Variants in RALYL observed in about 807,000 individuals in gnomAD.
RALYL encodes the protein RALY RNA binding protein like, also known as RNA-binding Raly-like protein.
In RALYL, 29 loss-of-function variants were observed where a neutral mutation model predicts 35.1. That is an observed-to-expected ratio of 0.83 (90% confidence interval 0.61 to 1.13). RALYL has a LOEUF of 1.13. Among genes scored for constraint, RALYL ranks in the 50% most tolerant of loss-of-function variants. The pLI, the probability that RALYL is intolerant of heterozygous loss-of-function variation, is 0.00. For synonymous variants in RALYL, 120 were observed against 127.6 expected, an observed-to-expected ratio of 0.94 and a Z score of 0.40; for missense variants, 359 against 360.4, an observed-to-expected ratio of 1.00 and a Z score of 0.03.
rs570484832 is a variant in RALYL, at chr8:84,719,094, C to A, written c.257-55485C>A. Among the ~76,000 whole-genome samples, 24 of 152,144 alleles carry A rather than the reference C, an allele frequency of 1.6e-4. No homozygotes were observed. The East Asian group carries it at 4.5e-3, about 28-fold the overall frequency. On this transcript the variant is annotated intron_variant, in intron 2 of 8. Transcript: ENST00000521268. Reference sequence around the variant, plus strand: ...GCTGCTGGTGGCTGGTAGAGTTTATCTTTGTTATGGATTCCTCTGTAACCT... The same window carrying A: ...GCTGCTGGTGGCTGGTAGAGTTTATATTTGTTATGGATTCCTCTGTAACCT...
intron 3 of RALYL, among the ~76,000 whole-genome samples, chr8:84,799,816 C>T (rs544742387): frequency 4.6e-5 from 7 of 152,182 alleles, no homozygotes; most frequent in Middle Eastern, 3.4e-3. Flanking sequence ...ATTAACCAGG[C>T]GTGGTGGCAG....
At chr8:84,302,413 T>G (rs540389223) in intron 1 of RALYL, among the ~76,000 whole-genome samples, 1 of 152,306 alleles carries the variant, frequency 6.6e-6, no homozygotes, top group South Asian at 2.1e-4. Flanking sequence ...CGTCCCTCTT[T>G]TCTCTAAGCT....
At chr8:84,447,528 G>A (rs906206772) in intron 1 of RALYL, among the ~76,000 whole-genome samples, 4 of 152,020 alleles carry the variant, frequency 2.6e-5, no homozygotes, top group Non-Finnish European at 5.9e-5. Flanking sequence ...GTTTGAGAGA[G>A]TAAATCAGTC....
intron 1 of RALYL, among the ~76,000 whole-genome samples, chr8:84,294,736 G>A (rs1839428001): frequency 6.6e-6 from 1 of 151,808 alleles, no homozygotes; most frequent in Non-Finnish European, 1.5e-5. Flanking sequence ...GAGACTCAAA[G>A]GTAGACAGAG....
chr8:84,837,808 A>G (rs1832325969), intron 4 of RALYL, among the ~76,000 whole-genome samples: 1 of 152,220 alleles, frequency 6.6e-6, no homozygotes, highest in South Asian at 2.1e-4. Flanking sequence ...AATAAACAAT[A>G]TGAAATATTT....
chr8:84,627,568 G>A (rs1165058849), intron 2 of RALYL, among the ~76,000 whole-genome samples: 1 of 150,366 alleles, frequency 6.7e-6, no homozygotes, highest in Non-Finnish European at 1.5e-5. Context: ...CTTTCTTCCT[G>A]TGTTCTCCTA....
intron 2 of RALYL, among the ~76,000 whole-genome samples, chr8:84,671,083 G>A (rs1833121963): frequency 6.6e-6 from 1 of 152,128 alleles, no homozygotes; most frequent in Non-Finnish European, 1.5e-5. Context: ...GGAGAAACTG[G>A]CCAAAACGAA....
chr8:84,574,669 C>T (rs1808883181), intron 2 of RALYL, among the ~76,000 whole-genome samples: 3 of 152,158 alleles, frequency 2.0e-5, no homozygotes, highest in Admixed American at 1.3e-4. Flanking sequence ...CAGTCTTGTG[C>T]TGCCTACTTT....
At chr8:84,425,269 C>T (rs1330848839) in intron 1 of RALYL, among the ~76,000 whole-genome samples, 1 of 152,100 alleles carries the variant, frequency 6.6e-6, no homozygotes, top group Non-Finnish European at 1.5e-5. Flanking sequence ...GTTTTTTAAG[C>T]CGGTCTGAAA....
chr8:84,375,370 A>G (rs75815356), intron 1 of RALYL, among the ~76,000 whole-genome samples: 5,326 of 151,808 alleles, frequency 0.035, 133 homozygotes, highest in East Asian at 0.13. Context: ...TATTATTCTG[A>G]GCTTCTTAAA....
chr8:84,430,089 C>T (rs548753848), intron 1 of RALYL, among the ~76,000 whole-genome samples: 5 of 151,820 alleles, frequency 3.3e-5, no homozygotes, highest in African/African-American at 9.7e-5. Flanking sequence ...AAATTTGCCA[C>T]AGAAGATAAA....
chr8:84,558,431 G>C (rs149758762), intron 2 of RALYL, among the ~76,000 whole-genome samples: 1 of 152,218 alleles, frequency 6.6e-6, no homozygotes, highest in East Asian at 1.9e-4. Flanking sequence ...GTTACTGTTT[G>C]TGAATCAGCC....
intron 4 of RALYL, among the ~76,000 whole-genome samples, chr8:84,807,713 A>G (rs1247480886): frequency 1.3e-5 from 2 of 152,168 alleles, no homozygotes; most frequent in Non-Finnish European, 2.9e-5. Flanking sequence ...CCATTTTTGC[A>G]GAAGTAAGCT....
At chr8:84,287,051 T>G (rs907307262) in intron 1 of RALYL, among the ~76,000 whole-genome samples, 1 of 152,228 alleles carries the variant, frequency 6.6e-6, no homozygotes, top group African/African-American at 2.4e-5. Context: ...TACTGTTACT[T>G]TCTTGCTTAT....
intron 1 of RALYL, among the ~76,000 whole-genome samples, chr8:84,369,270 A>G (rs1375801321): frequency 6.6e-6 from 1 of 152,176 alleles, no homozygotes; most frequent in Non-Finnish European, 1.5e-5. Context: ...GAAAACTGGC[A>G]TCAAACTTAA....
intron 2 of RALYL, among the ~76,000 whole-genome samples, chr8:84,771,725 A>G (rs747461301): frequency 2.0e-5 from 3 of 151,814 alleles, no homozygotes; most frequent in Non-Finnish European, 4.4e-5. Flanking sequence ...TTAATTTTCT[A>G]TTTGGTGTTT....
At chr8:84,858,996 A>G (rs183675173) in intron 5 of RALYL, among the ~76,000 whole-genome samples, 1 of 152,296 alleles carries the variant, frequency 6.6e-6, no homozygotes, top group East Asian at 1.9e-4. Context: ...TTCTTGAACA[A>G]ATAATTGGGC....
intron 1 of RALYL, among the ~76,000 whole-genome samples, chr8:84,483,763 A>T (rs568569419): frequency 6.6e-6 from 1 of 152,132 alleles, no homozygotes; most frequent in Non-Finnish European, 1.5e-5. Context: ...GCTGAGTTGC[A>T]ATTGAAAGCC....
At chr8:84,597,043 C>G in intron 2 of RALYL, among the ~76,000 whole-genome samples, 1 of 151,988 alleles carries the variant, frequency 6.6e-6, no homozygotes. Flanking sequence ...AATAGGAAAA[C>G]GAACCTTTTA....
Sources: allele counts gnomAD v4.1 joint callset (sites outside exome capture counted in the v4.1 genomes callset), GRCh38; gene constraint gnomAD v4.1.1; transcripts MANE v1.5; gene names NCBI Gene and HGNC (gene_info 2026-07-23, HGNC 2026-07-21).